RNFT2: variants seen among roughly 807,000 people sequenced by gnomAD.
RNFT2 encodes the protein E3 ubiquitin-protein ligase RNFT2.
RNFT2 carries 36 observed loss-of-function variants against 53.0 expected under a neutral mutation model. That is an observed-to-expected ratio of 0.68 (90% confidence interval 0.52 to 0.90). The LOEUF (loss-of-function observed/expected upper bound fraction) is 0.90. Ranked by LOEUF, RNFT2 falls within the 40% of genes least tolerant of loss-of-function variation. RNFT2 has a pLI of 0.00. For synonymous variants in RNFT2, 260 were observed against 253.2 expected (o/e 1.03, Z -0.26); for missense variants, 514 against 585.6 (o/e 0.88, Z 1.26).
chr12:116,850,207 G>A lies in RNFT2; in HGVS notation c.*759G>A, dbSNP rs1012447033. The A allele has an allele frequency of 1.4e-5, 2 of 139,510 alleles. No individual in the cohort carries two copies. Among genetic ancestry groups the A allele is most frequent in the African/African-American group, 2.7e-5 (1 of 37,282 alleles). 8.6% of individuals were successfully genotyped at this position (139,510 alleles called of 1,614,324 possible). A position where few individuals can be genotyped will look rare whatever the true frequency, so the allele number is the denominator to read the frequency against. ...TCTGGGTCTTCACCCAGGCTGGAGT[G>A]CAGTTGGCACAATCACAGCTCACTG... On this transcript the variant is annotated 3_prime_UTR_variant, in exon 11 of 11. Transcript: ENST00000257575.
chr12:116,740,992 G>A (rs1249919498), intron 2 of RNFT2, 44 bp from the exon 3 acceptor site: 1 of 1,546,270 alleles, frequency 6.5e-7, no homozygotes, highest in South Asian at 1.2e-5. Context: ...GACAGGCAGT[G>A]GGAGTGTTGG....
At chr12:116,791,605 C>T (rs994446297) in intron 7 of RNFT2, among the ~76,000 whole-genome samples, 2 of 152,206 alleles carry the variant, frequency 1.3e-5, no homozygotes, top group African/African-American at 2.4e-5. Context: ...CCACCATGCC[C>T]GGCTTTCATT....
intron 6 of RNFT2, among the ~76,000 whole-genome samples, chr12:116,771,487 A>AT (rs1380257333): frequency 3.9e-3 from 178 of 45,608 alleles, no homozygotes; most frequent in Non-Finnish European, 5.9e-3. Context: ...AAAAAAAAAA[A>AT]AAAAAAAATA....
rs767351088 is a variant in RNFT2 at position 116,833,833 on chromosome 12, C to T, written c.924C>T (p.Phe308=). The part of the protein sequence containing the change: ...YLVIEELSQL[F]RSLVPIQLWY... ...TCATCGAGGAGCTGAGCCAGCTGTT[C>T]CGATCCCTTGTCCCCATCCAGCTGT... is the stretch of plus-strand genomic sequence containing the variant. Residue 308 remains phenylalanine (F), a synonymous_variant, in exon 8 of 11, where the codon TTC becomes TTT. Coordinates refer to ENST00000257575, the MANE Select transcript of RNFT2 (RefSeq NM_001382266.1). 30 of 1,613,262 alleles carry T rather than the reference C, an allele frequency of 1.9e-5. No individual in the cohort carries two copies. Among genetic ancestry groups the T allele is most frequent in the Non-Finnish European group, 2.4e-5 (28 of 1,179,594 alleles).
At chr12:116,739,485 A>G (rs1018543271) in intron 1 of RNFT2, among the ~76,000 whole-genome samples, 2 of 152,232 alleles carry the variant, frequency 1.3e-5, no homozygotes, top group Non-Finnish European at 2.9e-5. Context: ...ATAAGCAAAC[A>G]TGAACAAATA....
intron 3 of RNFT2, among the ~76,000 whole-genome samples, chr12:116,747,432 T>A (rs1050204038): frequency 6.6e-6 from 1 of 152,028 alleles, no homozygotes; most frequent in Admixed American, 6.5e-5. Flanking sequence ...CTCAGGAGGC[T>A]GAGGTGGGAG....
In RNFT2 at chr12:116,836,368, CA is replaced by C; in HGVS notation, c.1200+87del. 4.4e-6 allele frequency: 5 copies of C among 1,142,394 alleles called. No homozygotes were observed. In the South Asian group the frequency reaches 6.7e-5, roughly 15 times the overall value. 70.8% of individuals were successfully genotyped at this position (1,142,394 alleles called of 1,614,324 possible). A position where few individuals can be genotyped will look rare whatever the true frequency, so the allele number is the denominator to read the frequency against. On this transcript the variant is annotated intron_variant, in intron 10 of 10. Coordinates refer to ENST00000257575, the MANE Select transcript of RNFT2 (RefSeq NM_001382266.1). ...CCATGGGCAGTCCTCGGGTCTCTGGCATGGGTCTCTGGGGGGCAATCCGGTT... is the reference window on the plus strand; with the variant it reads ...CCATGGGCAGTCCTCGGGTCTCTGGCTGGGTCTCTGGGGGGCAATCCGGTT...
chr12:116,740,833 G>A (rs112387634), intron 2 of RNFT2: 2 of 630,810 alleles, frequency 3.2e-6, no homozygotes, highest in Admixed American at 2.6e-5. Flanking sequence ...CTGTGAAATG[G>A]GGTGATAGCT....
At chr12:116,792,613 G>C (rs562191094) in intron 7 of RNFT2, among the ~76,000 whole-genome samples, 5 of 152,114 alleles carry the variant, frequency 3.3e-5, no homozygotes, top group African/African-American at 4.8e-5. Flanking sequence ...TGCCAGGTCA[G>C]CGCGTAATCT....
At chr12:116,829,766 A>C (rs1220342747) in intron 7 of RNFT2, among the ~76,000 whole-genome samples, 1 of 152,142 alleles carries the variant, frequency 6.6e-6, no homozygotes, top group East Asian at 1.9e-4. Flanking sequence ...TTTTTGGTAG[A>C]GACAGGGTTT....
At chr12:116,784,470 A>C (rs1469744724) in intron 7 of RNFT2, among the ~76,000 whole-genome samples, 6 of 152,152 alleles carry the variant, frequency 3.9e-5, no homozygotes, top group African/African-American at 9.7e-5. Flanking sequence ...GGAGGAGGCA[A>C]TGTCAGCTGG....
At chr12:116,792,786 A>T (rs1344888379) in intron 7 of RNFT2, among the ~76,000 whole-genome samples, 1 of 152,146 alleles carries the variant, frequency 6.6e-6, no homozygotes, top group African/African-American at 2.4e-5. Context: ...GGGGGAAGAC[A>T]CATTTGTCAG....
chr12:116,784,915 T>C (rs1276520022), intron 7 of RNFT2, among the ~76,000 whole-genome samples: 1 of 152,082 alleles, frequency 6.6e-6, no homozygotes, highest in Non-Finnish European at 1.5e-5. Flanking sequence ...ATTAATCTGA[T>C]TGTCCTCTCC....
chr12:116,742,562 C>A (rs1871663943), intron 3 of RNFT2, among the ~76,000 whole-genome samples: 1 of 152,150 alleles, frequency 6.6e-6, no homozygotes, highest in Admixed American at 6.6e-5. Context: ...GCGCAAGCCA[C>A]CACGCCTGGC....
chr12:116,812,037 C>G (rs1285561593), intron 7 of RNFT2, among the ~76,000 whole-genome samples: 2 of 152,118 alleles, frequency 1.3e-5, no homozygotes, highest in African/African-American at 2.4e-5. Flanking sequence ...TGTTACCTGG[C>G]TCCAGGAGGA....
chr12:116,846,383 C>T (rs1877613341), intron 10 of RNFT2, among the ~76,000 whole-genome samples: 1 of 151,844 alleles, frequency 6.6e-6, no homozygotes, highest in Non-Finnish European at 1.5e-5. Context: ...GCAATCCTCC[C>T]ACCACTTCAG....
intron 7 of RNFT2, among the ~76,000 whole-genome samples, chr12:116,788,781 A>G (rs1020951496): frequency 2.0e-5 from 3 of 151,814 alleles, no homozygotes; most frequent in Admixed American, 6.6e-5. Context: ...GTAGGTAGAT[A>G]GATGAATTAG....
intron 7 of RNFT2, among the ~76,000 whole-genome samples, chr12:116,814,232 T>C (rs749265577): frequency 6.6e-6 from 1 of 152,152 alleles, no homozygotes; most frequent in East Asian, 1.9e-4. Context: ...TTTGGCCACC[T>C]ATTCTGTACC....
At chr12:116,782,405 C>T (rs986074491) in intron 7 of RNFT2, among the ~76,000 whole-genome samples, 1 of 151,794 alleles carries the variant, frequency 6.6e-6, no homozygotes, top group Admixed American at 6.6e-5. Context: ...CACATGCCTG[C>T]AGTCCCAACT....
Sources: gnomAD v4.1 joint callset for allele counts (sites outside exome capture counted in the v4.1 genomes callset) on GRCh38, gnomAD v4.1.1 for gene constraint, MANE v1.5 for transcripts, NCBI Gene and HGNC (gene_info 2026-07-23, HGNC 2026-07-21) for gene names.